CUX1: variants seen among roughly 807,000 people sequenced by gnomAD.
The protein encoded by CUX1 is cut like homeobox 1.
Under a neutral mutation model 158.8 loss-of-function variants are expected in CUX1, and 31 were observed. That is an observed-to-expected ratio of 0.20 (90% CI 0.15 to 0.26). The LOEUF (loss-of-function observed/expected upper bound fraction) is 0.26, where lower values mean the gene tolerates loss of function less well. Ranked by LOEUF, CUX1 falls within the 10% of genes least tolerant of loss-of-function variation. The pLI, the probability that CUX1 is intolerant of heterozygous loss-of-function variation, is 1.00. For synonymous variants in CUX1, 879 were observed against 862.1 expected (o/e 1.02, Z -0.34); for missense variants, 1,589 against 2,014.6 (o/e 0.79, Z 4.04).
At chr7:102,095,384 C>T (rs958438131) in intron 4 of CUX1, among the ~76,000 whole-genome samples, 2 of 152,128 alleles carry the variant, frequency 1.3e-5, no homozygotes, top group African/African-American at 4.8e-5. Flanking sequence ...AAAAGCCATG[C>T]ACCAGAAAGA....
rs999095090 is a variant in CUX1 at position 102,141,886 on chromosome 7, C to T, written c.675-16674C>T. Among the ~76,000 whole-genome samples, 4 of 151,456 alleles carry T rather than the reference C, an allele frequency of 2.6e-5. No homozygotes were observed. In the South Asian group the frequency reaches 8.4e-4, roughly 32 times the overall value. On this transcript the variant is annotated intron_variant, in intron 8 of 23. Coordinates refer to ENST00000292535, the MANE Select transcript of CUX1 (RefSeq NM_181552.4). The stretch of plus-strand genomic sequence containing the variant: ...GAACTCCTGACCTCAAGTGATCCAC[C>T]CGCCTCAGCCTCTCAGAGTGCTGGG...
intron 1 of CUX1, among the ~76,000 whole-genome samples, chr7:101,875,116 C>G (rs1798990881): frequency 1.3e-5 from 2 of 152,142 alleles, no homozygotes; most frequent in Admixed American, 1.3e-4. Flanking sequence ...TGCCTGGGGC[C>G]TTGTACACAC....
intron 1 of CUX1, among the ~76,000 whole-genome samples, chr7:101,858,747 C>T (rs1460322278): frequency 6.9e-6 from 1 of 145,494 alleles, no homozygotes; most frequent in African/African-American, 2.6e-5. Context: ...CTCACTGCAA[C>T]CTCCGCCTCC....
At chr7:102,221,330 A>C (rs1554526843) in intron 20 of CUX1, among the ~76,000 whole-genome samples, 1 of 152,192 alleles carries the variant, frequency 6.6e-6, no homozygotes, top group Non-Finnish European at 1.5e-5. Flanking sequence ...ACTTACAATA[A>C]TTACTTTTTG....
intron 8 of CUX1, among the ~76,000 whole-genome samples, chr7:102,144,815 C>CA (rs1230834413): frequency 6.6e-6 from 1 of 151,862 alleles, no homozygotes; most frequent in Non-Finnish European, 1.5e-5. Context: ...AGGCTGGGCG[C>CA]AATGGCTCAC....
At chr7:101,823,740 G>A (rs1035132652) in intron 1 of CUX1, among the ~76,000 whole-genome samples, 1 of 152,206 alleles carries the variant, frequency 6.6e-6, no homozygotes, top group African/African-American at 2.4e-5. Flanking sequence ...GGGTTATGAG[G>A]TGTTCCGAGT....
intron 5 of CUX1, among the ~76,000 whole-genome samples, chr7:102,101,613 T>C (rs1829781464): frequency 6.6e-6 from 1 of 152,042 alleles, no homozygotes; most frequent in Admixed American, 6.5e-5. Context: ...AGCCGGTCCT[T>C]AAAGGCAAAA....
At chr7:102,217,251 A>C (rs1554525192) in intron 20 of CUX1, among the ~76,000 whole-genome samples, 1 of 152,234 alleles carries the variant, frequency 6.6e-6, no homozygotes, top group East Asian at 1.9e-4. Flanking sequence ...CAGGGTTTTT[A>C]ATTTTTAATA....
rs986049417 is a variant in CUX1, at chr7:102,255,107, C to A, written c.*6065C>A. On this transcript the variant is annotated 3_prime_UTR_variant, in exon 24 of 24. Coordinates refer to ENST00000292535, the MANE Select transcript of CUX1 (RefSeq NM_181552.4). ...AGCCCAGTCTTCCCAATCCCAGAGG[C>A]CCCGGCGGCCTGTGCTCCTCACCAC... The A allele has an allele frequency of 1.1e-4, 105 of 985,448 alleles. No individual in the cohort carries two copies. The highest frequency in any genetic ancestry group is 1.2e-4 in the Non-Finnish European group (97 of 829,980). 61.0% of individuals were successfully genotyped at this position (985,448 alleles called of 1,614,324 possible).
chr7:102,216,695 A>ACG (rs1554524918), intron 20 of CUX1, among the ~76,000 whole-genome samples: 1 of 107,936 alleles, frequency 9.3e-6, no homozygotes, highest in East Asian at 2.6e-4. Flanking sequence ...CCCCACACAC[A>ACG]CTCCCACACG....
chr7:102,078,916 C>T (rs986194113), intron 4 of CUX1, among the ~76,000 whole-genome samples: 2 of 152,092 alleles, frequency 1.3e-5, no homozygotes, highest in African/African-American at 2.4e-5. Flanking sequence ...CTATCCTTGT[C>T]GGCCTAGCAT....
At position 102,197,230 on chromosome 7, in the gene CUX1, T is replaced by G; in HGVS notation, c.1819T>G (p.Phe607Val). 6.2e-7 allele frequency: 1 copy of G among 1,614,202 alleles called. No individual in the cohort carries two copies. The highest frequency in any genetic ancestry group is 8.5e-7 in the Non-Finnish European group (1 of 1,180,048). ...ACTGACTGTTCGTGGCAAGGAGCCA[T>G]TTCACAAGATGAAACAGTTCCTCTC... ...NKLTVRGKEP[F>V]HKMKQFLSDE... is the part of the protein sequence containing the mutation. Residue 607 changes from phenylalanine to valine, a missense_variant, in exon 15 of 24, where the codon TTT (phenylalanine) becomes GTT (valine). Phe to Val is a conservative substitution (Grantham distance 50). Around this residue, in one of 8 missense-constraint regions of CUX1, gnomAD observed 37 missense variants for 124.9 expected, o/e 0.30. Coordinates refer to ENST00000292535, the MANE Select transcript of CUX1 (RefSeq NM_181552.4).
chr7:102,257,593 T>C lies in CUX1; in HGVS notation c.*8551T>C, dbSNP rs1554542504. On this transcript the variant is annotated 3_prime_UTR_variant, in exon 24 of 24. Transcript: ENST00000292535. ...TCTTTGCGTTTGTGCAATAACTCTTTGCTGCTTGCCTTGAGAGCGGGTAGC... is the reference window on the plus strand; with the variant it reads ...TCTTTGCGTTTGTGCAATAACTCTTCGCTGCTTGCCTTGAGAGCGGGTAGC... 2 of 985,326 alleles carry C rather than the reference T, an allele frequency of 2.0e-6. No individual in the cohort carries two copies. The highest frequency in any genetic ancestry group is 2.4e-6 in the Non-Finnish European group (2 of 829,952). 61.0% of individuals were successfully genotyped at this position (985,326 alleles called of 1,614,324 possible).
chr7:102,134,152 A>G (rs1369714231), intron 8 of CUX1, among the ~76,000 whole-genome samples: 2 of 152,172 alleles, frequency 1.3e-5, no homozygotes, highest in African/African-American at 4.8e-5. Flanking sequence ...TCTGGCCAAC[A>G]TGGTGAAACC....
chr7:102,231,839 G>A (rs1021385813), intron 21 of CUX1, among the ~76,000 whole-genome samples: 1 of 151,008 alleles, frequency 6.6e-6, no homozygotes, highest in South Asian at 2.1e-4. Context: ...TCAGCCTCCT[G>A]AGTAGCTGGG....
chr7:101,816,549 G>A (rs1053862132), upstream of CUX1, among the ~76,000 whole-genome samples: 6 of 141,896 alleles, frequency 4.2e-5, no homozygotes, highest in South Asian at 2.1e-4. Context: ...CGCCGGGAGG[G>A]GGCCGCGGCC....
intron 2 of CUX1, among the ~76,000 whole-genome samples, chr7:102,010,158 C>T (rs1326087216): frequency 6.6e-6 from 1 of 151,696 alleles, no homozygotes; most frequent in African/African-American, 2.4e-5. Flanking sequence ...ACTTCGGAGG[C>T]GGGGGTGGGC....
At chr7:102,242,205 C>CTTTTT (rs67514665) in intron 23 of CUX1, among the ~76,000 whole-genome samples, 82 of 93,020 alleles carry the variant, frequency 8.8e-4, no homozygotes, top group South Asian at 1.4e-3. Flanking sequence ...TTCTTTCTTT[C>CTTTTT]TTTTTTTTTT....
In CUX1 at chr7:102,202,120, G is replaced by A. The variant is rs781821907; in HGVS notation, c.2823G>A (p.Gln941=). The change falls in exon 18 of 24, where the codon CAG becomes CAA. Residue 941 remains glutamine (Q), a synonymous_variant. Transcript: ENST00000292535. ...AGCAGTACGAGGTCTACATGTACCA[G>A]GAGGTGGACACCATCGAGCTCACCC... ...TPEQYEVYMY[Q]EVDTIELTRQ... is the part of the protein sequence containing the mutation. 1.2e-6 allele frequency: 2 copies of A among 1,614,136 alleles called. No individual in the cohort carries two copies. The highest frequency in any genetic ancestry group is 1.1e-5 in the South Asian group (1 of 91,082).
Sources: allele counts gnomAD v4.1 joint callset (sites outside exome capture counted in the v4.1 genomes callset), GRCh38; gene constraint gnomAD v4.1.1; regional missense constraint gnomAD v4.1.1; transcripts MANE v1.5; gene names NCBI Gene and HGNC (gene_info 2026-07-23, HGNC 2026-07-21).